SLIT3: variants seen among roughly 807,000 people sequenced by gnomAD.
The protein encoded by SLIT3 is slit guidance ligand 3.
A neutral mutation model predicts 184.0 loss-of-function variants in SLIT3; 68 were observed. The ratio of observed to expected loss-of-function variants is 0.37; its 90% confidence interval spans 0.30 to 0.45. The LOEUF is 0.45. SLIT3 is among the 20% of genes least tolerant of loss of function. The pLI is 1.00. For synonymous variants in SLIT3, 831 were observed against 828.6 expected, an observed-to-expected ratio of 1.00 and a Z score of -0.05; for missense variants, 1,707 against 2,026.0, an observed-to-expected ratio of 0.84 and a Z score of 3.02.
At chr5:169,207,207 C>T (rs763184432) in intron 3 of SLIT3, among the ~76,000 whole-genome samples, 15 of 152,178 alleles carry the variant, frequency 9.9e-5, no homozygotes, top group Middle Eastern at 3.4e-3. Context: ...GCTTTGCGAT[C>T]CCATCCAAAC....
chr5:169,154,531 G>C (rs1003566733), intron 4 of SLIT3, among the ~76,000 whole-genome samples: 1 of 152,244 alleles, frequency 6.6e-6, no homozygotes, highest in South Asian at 2.1e-4. Context: ...TCCTGAGAGA[G>C]GGACTGTTGA....
rs1174477243 is a variant in SLIT3 at position 169,300,660 on chromosome 5, G to T, written c.50C>A (p.Ala17Glu). The T allele has an allele frequency of 2.1e-6, 3 of 1,430,284 alleles. No individual in the cohort carries two copies. The highest frequency in any genetic ancestry group is 2.7e-6 in the Non-Finnish European group (3 of 1,099,950). The allele number at this position is 1,430,284 out of a possible 1,614,324, so 88.6% of individuals were successfully genotyped here. Reference sequence around the variant, plus strand: ...GACGCTCGCCAGCGCCAAGGCCAGCGCCAGGCGGGCGCGCACGGCGGCGCC... The same window carrying T: ...GACGCTCGCCAGCGCCAAGGCCAGCTCCAGGCGGGCGCGCACGGCGGCGCC... ...GVGAAVRARL[A>E]LALALASVLS... Residue 17 changes from alanine to glutamate, a missense_variant, in exon 1 of 36, where the codon GCG becomes GAG. Around this residue, in one of 3 missense-constraint regions of SLIT3, gnomAD observed 1,307 missense variants for 1,511.6 expected, o/e 0.86. Transcript: ENST00000519560. The surrounding 1 kb of genome is among the most constrained non-coding windows in gnomAD (Gnocchi z 4.1).
chr5:168,907,979 T>TAGAGAGAGAGAGAGAGAGAGAG (rs70979109), intron 4 of SLIT3, among the ~76,000 whole-genome samples: 10 of 50,084 alleles, frequency 2.0e-4, no homozygotes, highest in African/African-American at 8.8e-4. Flanking sequence ...TATATATATA[T>TAGAGAGAGAGAGAGAGAGAGAG]AGAGAGAGAG....
intron 4 of SLIT3, among the ~76,000 whole-genome samples, chr5:169,153,515 TACTC>T (rs1458430093): frequency 1.3e-5 from 2 of 152,256 alleles, no homozygotes; most frequent in Non-Finnish European, 2.9e-5. Flanking sequence ...TTTGCTGTCT[TACTC>T]TCTCTACAAA....
intron 4 of SLIT3, among the ~76,000 whole-genome samples, chr5:169,049,142 T>G (rs532077574): frequency 6.6e-6 from 1 of 152,342 alleles, no homozygotes; most frequent in East Asian, 1.9e-4. Context: ...ATGAGCTTTT[T>G]GGGGGCAAAT....
intron 2 of SLIT3, among the ~76,000 whole-genome samples, chr5:169,246,823 G>C (rs1223066107): frequency 6.7e-6 from 1 of 148,744 alleles, no homozygotes; most frequent in African/African-American, 2.5e-5. Flanking sequence ...GGAGGCTAAG[G>C]CAGGAGAATT....
chr5:168,774,263 A>C lies in SLIT3; in HGVS notation c.1267T>G (p.Phe423Val). ...NKLQTISKGL[F>V]APLQSIQTLH... is the part of the protein sequence containing the mutation. ...GTCTGGATGGACTGCAGAGGGGCGA[A>C]GAGCCCCTTGCTGATGGTCTGCAGC... Residue 423 changes from phenylalanine (F) to valine (V), a missense_variant, in exon 13 of 36, where the codon TTC (phenylalanine) becomes GTC (valine). Coordinates refer to ENST00000519560, the MANE Select transcript of SLIT3 (RefSeq NM_003062.4). 1 of 1,613,744 alleles carries C rather than the reference A, an allele frequency of 6.2e-7. No individual in the cohort carries two copies.
At chr5:168,922,429 C>G (rs1464270362) in intron 4 of SLIT3, among the ~76,000 whole-genome samples, 2 of 130,516 alleles carry the variant, frequency 1.5e-5, no homozygotes, top group Non-Finnish European at 3.1e-5. Flanking sequence ...TGCACTCCAG[C>G]TTGGGCAACA....
intron 4 of SLIT3, among the ~76,000 whole-genome samples, chr5:169,097,215 T>C (rs1336695746): frequency 2.6e-5 from 4 of 152,222 alleles, no homozygotes. Flanking sequence ...TCCCTGCCTA[T>C]AGGGCCAAGA....
intron 4 of SLIT3, among the ~76,000 whole-genome samples, chr5:169,049,525 T>G (rs998426871): frequency 2.0e-5 from 3 of 152,190 alleles, no homozygotes; most frequent in Non-Finnish European, 4.4e-5. Flanking sequence ...GTGACAGCAG[T>G]GGAGAACTGG....
chr5:168,872,066 G>A (rs1759542347), intron 5 of SLIT3, among the ~76,000 whole-genome samples: 1 of 152,206 alleles, frequency 6.6e-6, no homozygotes, highest in Non-Finnish European at 1.5e-5. Context: ...GTCAGGGCTT[G>A]GCTGTCCTGC....
intron 4 of SLIT3, among the ~76,000 whole-genome samples, chr5:169,047,442 T>C (rs995610609): frequency 1.2e-4 from 18 of 152,152 alleles, no homozygotes; most frequent in African/African-American, 2.9e-4. Flanking sequence ...CCCATCTTTA[T>C]TGGGGTCTCT....
rs571017522 is a variant in SLIT3, at chr5:168,765,768, AAGGGCC to A, written c.1460-3085_1460-3080del. On this transcript the variant is annotated intron_variant, in intron 14 of 35. Coordinates refer to ENST00000519560, the MANE Select transcript of SLIT3 (RefSeq NM_003062.4). ...AGAAGAGATCCCAGAGGATTTGAAG[AAGGGCC>A]ATAAAACTCAACCTCGGCTGAAACC... Among the ~76,000 whole-genome samples the A allele has an allele frequency of 3.2e-3, 492 of 152,290 alleles. 1 individual carries two copies. Among genetic ancestry groups the A allele is most frequent in the Non-Finnish European group, 5.4e-3 (368 of 68,018 alleles).
At chr5:169,066,806 G>A (rs1313425495) in intron 4 of SLIT3, among the ~76,000 whole-genome samples, 1 of 152,062 alleles carries the variant, frequency 6.6e-6, no homozygotes, top group Non-Finnish European at 1.5e-5. Context: ...ACAAAAGGCA[G>A]AGATTAATAA....
chr5:168,775,339 C>T (rs577989315), intron 12 of SLIT3, among the ~76,000 whole-genome samples: 2 of 152,220 alleles, frequency 1.3e-5, no homozygotes, highest in Non-Finnish European at 2.9e-5. Context: ...GCCCGGCCTA[C>T]CACTGCATTT....
At chr5:169,116,967 G>T (rs1760690489) in intron 4 of SLIT3, among the ~76,000 whole-genome samples, 1 of 152,152 alleles carries the variant, frequency 6.6e-6, no homozygotes, top group Non-Finnish European at 1.5e-5. Context: ...TTCAGGGAGG[G>T]TTTACTGTCA....
chr5:169,018,929 G>A (rs775293421), intron 4 of SLIT3, among the ~76,000 whole-genome samples: 5 of 152,126 alleles, frequency 3.3e-5, no homozygotes, highest in African/African-American at 4.8e-5. Flanking sequence ...AAGGTCACTC[G>A]GAATGCAGTT....
chr5:168,976,178 G>A (rs1217647585), intron 4 of SLIT3, among the ~76,000 whole-genome samples: 1 of 152,140 alleles, frequency 6.6e-6, no homozygotes, highest in Non-Finnish European at 1.5e-5. Flanking sequence ...TTTATAGGGA[G>A]GGAAACTGAG....
intron 3 of SLIT3, among the ~76,000 whole-genome samples, chr5:169,227,315 T>C (rs577385017): frequency 6.6e-6 from 1 of 152,362 alleles, no homozygotes; most frequent in South Asian, 2.1e-4. Context: ...ATGCATATTA[T>C]GGGGACTTAC....
Sources: allele counts gnomAD v4.1 joint callset (sites outside exome capture counted in the v4.1 genomes callset), GRCh38; gene constraint gnomAD v4.1.1; regional missense constraint gnomAD v4.1.1; non-coding constraint Gnocchi (gnomAD v3.1); transcripts MANE v1.5; gene names NCBI Gene and HGNC (gene_info 2026-07-23, HGNC 2026-07-21).